SGCD: variants seen among roughly 807,000 people sequenced by gnomAD.
SGCD encodes the protein delta-sarcoglycan.
Under a neutral mutation model 36.6 loss-of-function variants are expected in SGCD, and 18 were observed. That is an observed-to-expected ratio of 0.49 (90% CI 0.34 to 0.73). The LOEUF (loss-of-function observed/expected upper bound fraction) is 0.73. Ranked by LOEUF, SGCD falls within the 30% of genes least tolerant of loss-of-function variation. The probability of loss-of-function intolerance (pLI) is 0.01; values close to 1 mark genes in which losing one functional copy is unlikely to be tolerated. For missense variants in SGCD, 387 were observed against 346.7 expected (o/e 1.12, Z -0.92); for synonymous variants, 133 against 130.6 (o/e 1.02, Z -0.12).
chr5:156,354,320 G>T (rs371178946), intron 3 of SGCD, among the ~76,000 whole-genome samples: 34 of 152,186 alleles, frequency 2.2e-4, no homozygotes, highest in African/African-American at 8.2e-4. Context: ...AAACTTGATT[G>T]GGGAGCCTCA....
At chr5:156,150,036 A>T (rs1032483394) in intron 3 of SGCD, among the ~76,000 whole-genome samples, 2 of 152,168 alleles carry the variant, frequency 1.3e-5, no homozygotes, top group Non-Finnish European at 2.9e-5. Context: ...TCTTTTAAAA[A>T]TGCAGGCCTA....
chr5:156,109,494 C>T (rs1419176234), intron 1 of SGCD, among the ~76,000 whole-genome samples: 1 of 152,164 alleles, frequency 6.6e-6, no homozygotes, highest in Non-Finnish European at 1.5e-5. Context: ...CTGGATGGCT[C>T]TGTGTGACTC....
intron 3 of SGCD, among the ~76,000 whole-genome samples, chr5:156,308,046 T>C (rs1277625288): frequency 1.3e-5 from 2 of 152,202 alleles, no homozygotes; most frequent in African/African-American, 4.8e-5. Flanking sequence ...AGTACCAACT[T>C]TCCTAATTTC....
chr5:156,657,540 A>T (rs1763740747), intron 7 of SGCD, among the ~76,000 whole-genome samples: 1 of 151,948 alleles, frequency 6.6e-6, no homozygotes, highest in Non-Finnish European at 1.5e-5. Context: ...AGGCAGGAGG[A>T]TCACCTGAGC....
At chr5:156,482,267 GA>G (rs948660536) in intron 3 of SGCD, among the ~76,000 whole-genome samples, 12 of 144,192 alleles carry the variant, frequency 8.3e-5, no homozygotes, top group East Asian at 2.0e-4. Context: ...TTGAAATCCT[GA>G]AAAAAAAAAA....
At chr5:156,454,854 T>C (rs191748875) in intron 3 of SGCD, among the ~76,000 whole-genome samples, 2 of 152,214 alleles carry the variant, frequency 1.3e-5, no homozygotes, top group East Asian at 3.9e-4. Flanking sequence ...AAGGTTGTAA[T>C]GTTGCTGAGG....
At chr5:156,504,400 A>ATATATATATATATATATATGTCAATGTG in intron 3 of SGCD, among the ~76,000 whole-genome samples, 2 of 82,488 alleles carry the variant, frequency 2.4e-5, no homozygotes, top group African/African-American at 7.3e-5. Context: ...GTGTATATAT[A>ATATATATATATATATATATGTCAATGTG]TATATATATA....
the SGCD span, among the ~76,000 whole-genome samples, chr5:155,839,845 A>G: frequency 1.3e-5 from 2 of 152,058 alleles, no homozygotes; most frequent in African/African-American, 4.8e-5. Flanking sequence ...AGCCTTCAAC[A>G]TCTCTCAGGT....
At chr5:156,372,358 A>C (rs190751150) in intron 3 of SGCD, among the ~76,000 whole-genome samples, 59 of 152,300 alleles carry the variant, frequency 3.9e-4, no homozygotes, top group Non-Finnish European at 1.5e-5. Flanking sequence ...GTGATGCAAT[A>C]AGAGATGGCC....
chr5:156,392,564 G>A (rs143379199), intron 3 of SGCD, among the ~76,000 whole-genome samples: 1 of 152,202 alleles, frequency 6.6e-6, no homozygotes, highest in South Asian at 2.1e-4. Context: ...ACCATCATAG[G>A]CAGCTTGTGT....
At chr5:156,554,875 A>C (rs994758905) in intron 4 of SGCD, among the ~76,000 whole-genome samples, 2 of 152,060 alleles carry the variant, frequency 1.3e-5, no homozygotes, top group Admixed American at 6.6e-5. Flanking sequence ...TGAGGTTTCC[A>C]GTTTCTCCAT....
the SGCD span, among the ~76,000 whole-genome samples, chr5:155,793,660 G>C: frequency 6.6e-6 from 1 of 151,664 alleles, no homozygotes; most frequent in East Asian, 1.9e-4. Flanking sequence ...TCCTACCTCA[G>C]CCTCCCTAGT....
At chr5:155,856,008 T>C in the SGCD span, among the ~76,000 whole-genome samples, 1 of 152,208 alleles carries the variant, frequency 6.6e-6, no homozygotes, top group Non-Finnish European at 1.5e-5. Flanking sequence ...TACAGATGGA[T>C]ATTAAAATGT....
chr5:156,526,498 A>T (rs4705019), intron 4 of SGCD, among the ~76,000 whole-genome samples: 79,292 of 151,996 alleles, frequency 0.52, 21,410 homozygotes, highest in African/African-American at 0.65. Flanking sequence ...TTGCTGTCTT[A>T]AATTAAGAAG....
chr5:156,041,123 T>C (rs17537158), intron 1 of SGCD, among the ~76,000 whole-genome samples: 11 of 152,098 alleles, frequency 7.2e-5, no homozygotes, highest in Admixed American at 6.6e-4. Flanking sequence ...CATAATCAGA[T>C]GTGTATCTGG....
At chr5:156,444,116 C>CTCTCTCTCTCTCTCTCTCTCT (rs1561699474) in intron 3 of SGCD, among the ~76,000 whole-genome samples, 1 of 82,014 alleles carries the variant, frequency 1.2e-5, no homozygotes, top group Non-Finnish European at 2.5e-5. Context: ...CTCTCTCTCT[C>CTCTCTCTCTCTCTCTCTCTCT]CCCTTCCCTC....
intron 3 of SGCD, among the ~76,000 whole-genome samples, chr5:156,434,815 C>T (rs1753176381): frequency 6.6e-6 from 1 of 152,090 alleles, no homozygotes; most frequent in Non-Finnish European, 1.5e-5. Flanking sequence ...ATTAGCTAGA[C>T]AAAAATGTTA....
chr5:156,054,531 C>T (rs1185730282), intron 1 of SGCD, among the ~76,000 whole-genome samples: 1 of 146,114 alleles, frequency 6.8e-6, no homozygotes, highest in African/African-American at 2.5e-5. Flanking sequence ...GTGATCCACC[C>T]GCCTCAGCCT....
intron 3 of SGCD, among the ~76,000 whole-genome samples, chr5:156,385,312 G>C (rs1561661152): frequency 6.6e-6 from 1 of 152,176 alleles, no homozygotes; most frequent in Non-Finnish European, 1.5e-5. Flanking sequence ...CAGGCACCAG[G>C]GCACTGTGGT....
Sources: gnomAD v4.1 joint callset for allele counts (sites outside exome capture counted in the v4.1 genomes callset) on GRCh38, gnomAD v4.1.1 for gene constraint, MANE v1.5 for transcripts, NCBI Gene and HGNC (gene_info 2026-07-23, HGNC 2026-07-21) for gene names.